BRWD3: variants seen among roughly 807,000 people sequenced by gnomAD.
The protein encoded by BRWD3 is bromodomain and WD repeat domain containing 3, also known as bromodomain and WD repeat-containing protein 3.
A neutral mutation model predicts 149.7 loss-of-function variants in BRWD3; 10 were observed. The ratio of observed to expected loss-of-function variants is 0.07; its 90% CI spans 0.04 to 0.11. BRWD3 has a LOEUF of 0.11. Ranked by LOEUF, BRWD3 falls within the 10% of genes least tolerant of loss-of-function variation. The pLI is 1.00. For missense variants in BRWD3, 940 were observed against 1,373.2 expected (o/e 0.68, Z 4.99); for synonymous variants, 504 against 456.7 (o/e 1.10, Z -1.32).
At chrX:80,693,240 A>G (rs1384370504) in intron 27 of BRWD3, among the ~76,000 whole-genome samples, 189 bp from the exon 28 acceptor site, 1 of 112,222 alleles carries the variant, frequency 8.9e-6, no homozygotes, top group Admixed American at 9.5e-5. Flanking sequence ...TCCAAGTGGT[A>G]GAAATCTTTC....
chrX:80,705,612 A>G (rs28361314), intron 22 of BRWD3, among the ~76,000 whole-genome samples: 2,144 of 111,577 alleles, frequency 0.019, 56 homozygotes, highest in African/African-American at 0.066. Context: ...ACAAACCTAG[A>G]CAGTATAGCC....
At chrX:80,790,114 G>C (rs763297487) in intron 6 of BRWD3, among the ~76,000 whole-genome samples, 1 of 102,593 alleles carries the variant, frequency 9.7e-6, no homozygotes, top group South Asian at 4.6e-4. Context: ...GAACGAGGGA[G>C]TGGGGAGGTT....
chrX:80,805,731 C>T (rs1037905859), intron 4 of BRWD3, among the ~76,000 whole-genome samples: 2 of 111,656 alleles, frequency 1.8e-5, no homozygotes, highest in Non-Finnish European at 3.8e-5. Flanking sequence ...GTCAAGAAAT[C>T]GAGACCATCC....
chrX:80,750,682 G>A (rs1222334829), intron 6 of BRWD3, among the ~76,000 whole-genome samples: 1 of 111,426 alleles, frequency 9.0e-6, no homozygotes, highest in Non-Finnish European at 1.9e-5. Context: ...TCAAGAAATT[G>A]AAAATGGAAA....
rs1427241307 is a variant in BRWD3, at chrX:80,808,998, G to C, written c.120+15C>G. On this transcript the variant is annotated intron_variant, in intron 3 of 40. Coordinates refer to ENST00000373275, the MANE Select transcript of BRWD3 (RefSeq NM_153252.5). ...CACCTCAACCCTCCCCACCCTTCCC[G>C]AAGGGGCTCCGTACCTGATGCTCCT... The C allele has an allele frequency of 2.5e-6, 3 of 1,195,679 alleles. No individual in the cohort carries two copies. Among genetic ancestry groups the C allele is most frequent in the Admixed American group, 4.5e-5 (2 of 44,209 alleles).
Position 80,704,771 on chromosome X carries a change from T to C in BRWD3, c.2628A>G (p.Arg876=). 1 of 1,211,176 alleles carries C rather than the reference T, an allele frequency of 8.3e-7. No homozygotes were observed. The highest frequency in any genetic ancestry group is 1.1e-6 in the Non-Finnish European group (1 of 894,802). Reference sequence around the variant, plus strand: ...TGCTGCATATTTTACGTGTTGTCTGTCTGGTTTGTCTTTTTGGGGGTTGTA... The same window carrying C: ...TGCTGCATATTTTACGTGTTGTCTGCCTGGTTTGTCTTTTTGGGGGTTGTA... ...INLQPPKRQT[R]QTTRKICSSS... is the part of the protein sequence containing the mutation. Residue 876 remains arginine, a synonymous_variant, in exon 23 of 41, where the codon AGA becomes AGG. Transcript: ENST00000373275.
chrX:80,808,692 T>A (rs1159706185), intron 3 of BRWD3, 94 bp from the exon 4 acceptor site: 5 of 697,794 alleles, frequency 7.2e-6, no homozygotes, highest in South Asian at 2.2e-5. Context: ...TGTGTCCCAG[T>A]CCTCAACACT....
Position 80,707,407 on chromosome X carries a change from A to C in BRWD3, c.2552+20T>G. 1 of 1,180,868 alleles carries C rather than the reference A, an allele frequency of 8.5e-7. No homozygotes were observed. Among genetic ancestry groups the C allele is most frequent in the East Asian group, 3.0e-5 (1 of 33,668 alleles). On this transcript the variant is annotated intron_variant, in intron 22 of 40. Transcript: ENST00000373275. ...AAAACTGTTCAATAATTTTGACCAA[A>C]TTAAAACCATTAAAACTACCTGGAA... is the stretch of plus-strand genomic sequence containing the variant.
At chrX:80,709,370 G>A in intron 21 of BRWD3, 58 bp downstream of exon 21, 2 of 1,061,544 alleles carry the variant, frequency 1.9e-6, no homozygotes, top group South Asian at 4.3e-5. Context: ...AACCCAAATG[G>A]ATGATACAAA....
At chrX:80,738,015 T>C (rs1004049958) in intron 8 of BRWD3, among the ~76,000 whole-genome samples, 6 of 112,715 alleles carry the variant, frequency 5.3e-5, no homozygotes, top group South Asian at 7.3e-4. Flanking sequence ...TGACAGAGAT[T>C]GTATGACATG....
chrX:80,779,938 T>C (rs1347758835), intron 6 of BRWD3, among the ~76,000 whole-genome samples: 4 of 111,766 alleles, frequency 3.6e-5, no homozygotes, highest in African/African-American at 9.7e-5. Context: ...TTCATGGCCA[T>C]TGAACATCTT....
intron 14 of BRWD3, 49 bp downstream of exon 14, chrX:80,728,698 TTAAAA>T (rs2073284191): frequency 9.3e-7 from 1 of 1,069,616 alleles, no homozygotes; most frequent in Admixed American, 2.7e-5. Flanking sequence ...TTCCTGTGTC[TTAAAA>T]TAATGTGCTT....
intron 24 of BRWD3, among the ~76,000 whole-genome samples, chrX:80,701,384 C>T (rs747380720): frequency 9.3e-6 from 1 of 107,007 alleles, no homozygotes; most frequent in African/African-American, 3.4e-5. Flanking sequence ...CCCGTCTCTA[C>T]TAAAAATACA....
chrX:80,795,578 C>T (rs1235666198), intron 4 of BRWD3, among the ~76,000 whole-genome samples: 1 of 108,893 alleles, frequency 9.2e-6, no homozygotes, highest in Non-Finnish European at 1.9e-5. Flanking sequence ...ACTATTACCA[C>T]CAGGTCAATC....
At chrX:80,805,348 G>A (rs1418950179) in intron 4 of BRWD3, among the ~76,000 whole-genome samples, 1 of 111,263 alleles carries the variant, frequency 9.0e-6, no homozygotes, top group Non-Finnish European at 1.9e-5. Context: ...CAGTTCAAAT[G>A]AAAGTATACA....
intron 20 of BRWD3, among the ~76,000 whole-genome samples, chrX:80,715,100 CTACAGACCTAAGTACCCTGTCCAT>C (rs1367041528): frequency 1.8e-5 from 2 of 110,276 alleles, no homozygotes; most frequent in Admixed American, 9.6e-5. Flanking sequence ...GTAAAAATAT[CTACAGACCTAAGTACCCTGTCCAT>C]TAGTCTCAGC....
intron 6 of BRWD3, among the ~76,000 whole-genome samples, chrX:80,767,085 A>C (rs1345450819): frequency 1.8e-5 from 2 of 112,461 alleles, no homozygotes; most frequent in Admixed American, 9.3e-5. Flanking sequence ...GTTGAGGCTT[A>C]AGTAGGTAAA....
In BRWD3 at chrX:80,719,641, A is replaced by G; in HGVS notation, c.1892T>C (p.Val631Ala). 1 of 1,210,740 alleles carries G rather than the reference A, an allele frequency of 8.3e-7. No homozygotes were observed. The highest frequency in any genetic ancestry group is 1.8e-5 in the South Asian group (1 of 56,985). Residue 631 changes from valine to alanine, a missense_variant, in exon 18 of 41, where the codon GTA becomes GCA. Physicochemically the swap from Val to Ala is moderately conservative, Grantham distance 64. This residue lies in a region of BRWD3 where 209 missense variants were observed against 396.8 expected (regional missense o/e 0.53). Coordinates refer to ENST00000373275, the MANE Select transcript of BRWD3 (RefSeq NM_153252.5). ...GGTTTGCTGCCCAATTACCTGTTCT[A>G]CTACCTCACCATCACCTTAATAAGA... ...GYVANGDGEV[V>A]EQVIGQQTND...
At chrX:80,805,372 G>T (rs1602458522) in intron 4 of BRWD3, among the ~76,000 whole-genome samples, 1 of 111,058 alleles carries the variant, frequency 9.0e-6, no homozygotes, top group East Asian at 2.8e-4. Flanking sequence ...GAACAAAAAG[G>T]CAGGATTTTT....
Sources: gnomAD v4.1 joint callset for allele counts (sites outside exome capture counted in the v4.1 genomes callset) on GRCh38, gnomAD v4.1.1 for gene constraint, gnomAD v4.1.1 regional missense constraint, MANE v1.5 for transcripts, NCBI Gene and HGNC (gene_info 2026-07-23, HGNC 2026-07-21) for gene names.